B3GALT1: variants seen among roughly 807,000 people sequenced by gnomAD.
B3GALT1 encodes the protein beta-1,3-galactosyltransferase 1.
In B3GALT1, 10 loss-of-function variants were observed where a neutral mutation model predicts 23.2. The ratio of observed to expected loss-of-function variants is 0.43; its 90% confidence interval spans 0.27 to 0.73. B3GALT1 has a LOEUF of 0.73. Ranked by LOEUF, B3GALT1 falls within the 30% of genes least tolerant of loss-of-function variation. The pLI is 0.21. For missense variants in B3GALT1, 299 were observed against 405.4 expected, an observed-to-expected ratio of 0.74 and a Z score of 2.25; for synonymous variants, 156 against 141.5, an observed-to-expected ratio of 1.10 and a Z score of -0.73.
Position 167,568,027 on chromosome 2 carries a change from G to T in B3GALT1, c.-410+77750G>T, listed in dbSNP as rs191687848. Among the ~76,000 whole-genome samples the T allele has an allele frequency of 7.9e-5, 12 of 152,062 alleles. No homozygotes were observed. In the South Asian group the frequency reaches 2.1e-3, roughly 26 times the overall value. On this transcript the variant is annotated intron_variant, in intron 2 of 4. Coordinates refer to ENST00000392690, the MANE Select transcript of B3GALT1 (RefSeq NM_020981.4). ...CAACTGATTTTACTTAGTAATATGC[G>T]TTTAAGTTTCCTCCGTGTCTTTTCA...
chr2:167,461,697 T>C (rs1699261538), intron 1 of B3GALT1, among the ~76,000 whole-genome samples: 1 of 152,218 alleles, frequency 6.6e-6, no homozygotes, highest in Admixed American at 6.5e-5. Flanking sequence ...TTGAGTATAT[T>C]TTAAATTAGC....
chr2:167,668,564 C>T (rs996179241), intron 3 of B3GALT1, among the ~76,000 whole-genome samples: 1 of 152,166 alleles, frequency 6.6e-6, no homozygotes, highest in Admixed American at 6.5e-5. Flanking sequence ...TGCCGCCTTG[C>T]AGTTTGATCT....
intron 3 of B3GALT1, among the ~76,000 whole-genome samples, chr2:167,788,815 A>C (rs1341169340): frequency 6.6e-6 from 1 of 152,190 alleles, no homozygotes; most frequent in Non-Finnish European, 1.5e-5. Context: ...GGATGAACCT[A>C]AGATAATGAC....
intron 3 of B3GALT1, among the ~76,000 whole-genome samples, chr2:167,818,162 A>C (rs1689034664): frequency 6.6e-6 from 1 of 152,206 alleles, no homozygotes. Context: ...TGACCTGTGC[A>C]GTTTTGTTTT....
chr2:167,702,174 A>G (rs1686890981), intron 3 of B3GALT1, among the ~76,000 whole-genome samples: 1 of 152,086 alleles, frequency 6.6e-6, no homozygotes, highest in African/African-American at 2.4e-5. Flanking sequence ...CTCTTATCCC[A>G]CTCAGTATCC....
chr2:167,667,630 C>A (rs1392068089), intron 3 of B3GALT1, among the ~76,000 whole-genome samples: 2 of 152,206 alleles, frequency 1.3e-5, no homozygotes, highest in Non-Finnish European at 2.9e-5. Context: ...TCCCATATTT[C>A]TTGGAGGCTT....
chr2:167,796,477 G>C (rs1688548276), intron 3 of B3GALT1, among the ~76,000 whole-genome samples: 1 of 152,162 alleles, frequency 6.6e-6, no homozygotes, highest in Non-Finnish European at 1.5e-5. Context: ...GCCAGGTATG[G>C]TGGCTCACAC....
At chr2:167,674,050 C>T (rs373052703) in intron 3 of B3GALT1, among the ~76,000 whole-genome samples, 2 of 152,186 alleles carry the variant, frequency 1.3e-5, no homozygotes, top group East Asian at 3.9e-4. Context: ...ATTAAATACA[C>T]AACCATAGTA....
chr2:167,311,874 T>G (rs986967789), intron 1 of B3GALT1, among the ~76,000 whole-genome samples: 32 of 151,852 alleles, frequency 2.1e-4, no homozygotes, highest in Non-Finnish European at 2.9e-5. Flanking sequence ...GTATATGCAT[T>G]TAATTGTAGT....
chr2:167,415,606 A>G (rs1559089779), intron 1 of B3GALT1, among the ~76,000 whole-genome samples: 3 of 152,088 alleles, frequency 2.0e-5, no homozygotes, highest in Non-Finnish European at 4.4e-5. Context: ...AAACACTTAT[A>G]TTGAGGGGAG....
At chr2:167,602,540 A>T (rs1479484457) in intron 2 of B3GALT1, among the ~76,000 whole-genome samples, 1 of 152,202 alleles carries the variant, frequency 6.6e-6, no homozygotes, top group Non-Finnish European at 1.5e-5. Flanking sequence ...TTTCTAATAT[A>T]TCAGTGTAGG....
intron 1 of B3GALT1, among the ~76,000 whole-genome samples, chr2:167,441,958 C>G (rs1368570151): frequency 6.6e-6 from 1 of 151,634 alleles, no homozygotes; most frequent in African/African-American, 2.4e-5. Flanking sequence ...ATACATGTGC[C>G]ATGCTGGTGT....
intron 3 of B3GALT1, among the ~76,000 whole-genome samples, chr2:167,703,633 A>G (rs969675015): frequency 5.9e-5 from 9 of 152,236 alleles, no homozygotes; most frequent in Non-Finnish European, 1.0e-4. Context: ...GAGCTTTTGT[A>G]AGAAAGCAGA....
intron 4 of B3GALT1, among the ~76,000 whole-genome samples, chr2:167,866,268 G>C (rs1162668594): frequency 6.6e-6 from 1 of 152,202 alleles, no homozygotes; most frequent in African/African-American, 2.4e-5. Context: ...ACTGTGGACA[G>C]TCTGCAGGAC....
chr2:167,740,500 T>C (rs1290817905), intron 3 of B3GALT1, among the ~76,000 whole-genome samples: 1 of 152,074 alleles, frequency 6.6e-6, no homozygotes, highest in Non-Finnish European at 1.5e-5. Flanking sequence ...ATCAAATAAA[T>C]GTGGCAAATA....
chr2:167,531,312 A>C (rs1054287723), intron 2 of B3GALT1, among the ~76,000 whole-genome samples: 2 of 152,160 alleles, frequency 1.3e-5, no homozygotes, highest in Non-Finnish European at 2.9e-5. Context: ...GGAAAAGGAA[A>C]GGGGATAGAG....
At chr2:167,865,775 G>A (rs1186730690) in intron 4 of B3GALT1, among the ~76,000 whole-genome samples, 2 of 152,098 alleles carry the variant, frequency 1.3e-5, no homozygotes, top group Non-Finnish European at 2.9e-5. Flanking sequence ...CTAGGCAACA[G>A]AGCGAGACTC....
chr2:167,386,919 G>C (rs527815575), intron 1 of B3GALT1, among the ~76,000 whole-genome samples: 2 of 152,304 alleles, frequency 1.3e-5, no homozygotes, highest in Non-Finnish European at 2.9e-5. Context: ...TCGAAGCTGC[G>C]TTAACTGTCT....
At chr2:167,607,193 A>G (rs1025430) in intron 2 of B3GALT1, among the ~76,000 whole-genome samples, 4,261 of 152,266 alleles carry the variant, frequency 0.028, 213 homozygotes, top group African/African-American at 0.096. Context: ...AGGGAAAATG[A>G]AAGAAATAAA....
Sources: gnomAD v4.1 joint callset for allele counts (sites outside exome capture counted in the v4.1 genomes callset) on GRCh38, gnomAD v4.1.1 for gene constraint, MANE v1.5 for transcripts, NCBI Gene and HGNC (gene_info 2026-07-23, HGNC 2026-07-21) for gene names.